The following CSMD3 variants were observed in gnomAD, a reference collection of about 807,000 sequenced individuals.
The protein encoded by CSMD3 is CUB and Sushi multiple domains 3.
In CSMD3, 177 loss-of-function variants were observed where a neutral mutation model predicts 435.2. The ratio of observed to expected loss-of-function variants is 0.41; its 90% CI spans 0.36 to 0.46. CSMD3 has a LOEUF of 0.46. Ranked by LOEUF, CSMD3 falls within the 20% of genes least tolerant of loss-of-function variation. The pLI is 0.34. For synonymous variants in CSMD3, 1,656 were observed against 1,520.5 expected (o/e 1.09, Z -2.07); for missense variants, 4,265 against 4,504.6 (o/e 0.95, Z 1.52).
At chr8:113,308,371 C>T (rs544539945) in intron 2 of CSMD3, among the ~76,000 whole-genome samples, 23 of 148,784 alleles carry the variant, frequency 1.5e-4, no homozygotes, top group African/African-American at 5.5e-4. Context: ...CGGGTTCACG[C>T]CATTCTCCTG....
chr8:112,450,102 TTTAA>T (rs1816094587), intron 32 of CSMD3, among the ~76,000 whole-genome samples: 2 of 152,162 alleles, frequency 1.3e-5, no homozygotes, highest in South Asian at 2.1e-4. Context: ...GGCATTTGTG[TTTAA>T]TTATTTATAT....
At chr8:112,290,773 C>T (rs368985665) in intron 56 of CSMD3, among the ~76,000 whole-genome samples, 240 of 152,060 alleles carry the variant, frequency 1.6e-3, no homozygotes, top group African/African-American at 4.2e-3. Flanking sequence ...TCTTCTCTTC[C>T]CTGTCAAGTC....
At chr8:112,568,274 G>T (rs2131278940) in intron 24 of CSMD3, among the ~76,000 whole-genome samples, 1 of 152,192 alleles carries the variant, frequency 6.6e-6, no homozygotes, top group East Asian at 1.9e-4. Flanking sequence ...TAAAGATGAA[G>T]ACTGAACAGA....
At chr8:112,984,572 T>C (rs1587826997) in intron 6 of CSMD3, among the ~76,000 whole-genome samples, 1 of 152,092 alleles carries the variant, frequency 6.6e-6, no homozygotes, top group Non-Finnish European at 1.5e-5. Context: ...GAAGGTTAAT[T>C]AGAGCTTCCT....
chr8:113,112,486 C>A (rs1175193750), intron 4 of CSMD3, among the ~76,000 whole-genome samples: 1 of 137,852 alleles, frequency 7.3e-6, no homozygotes, highest in Non-Finnish European at 1.6e-5. Flanking sequence ...CACACACACA[C>A]ACACACACAC....
chr8:113,043,081 G>A (rs2087688301), intron 5 of CSMD3, among the ~76,000 whole-genome samples: 1 of 152,164 alleles, frequency 6.6e-6, no homozygotes, highest in Admixed American at 6.5e-5. Flanking sequence ...TGCACCTTAT[G>A]TGTTGCAAAT....
At chr8:113,079,391 G>C (rs1485087815) in intron 5 of CSMD3, among the ~76,000 whole-genome samples, 1 of 151,926 alleles carries the variant, frequency 6.6e-6, no homozygotes, top group Admixed American at 6.6e-5. Context: ...GCAATAGTGA[G>C]ACAATGACTG....
chr8:112,380,532 C>A (rs1039749309), intron 37 of CSMD3, 76 bp from the exon 38 acceptor site: 3 of 809,860 alleles, frequency 3.7e-6, no homozygotes, highest in Admixed American at 3.5e-5. Flanking sequence ...GTTTACTAAT[C>A]AGCCAATAGA....
chr8:112,625,994 T>C (rs1204695416), intron 22 of CSMD3, among the ~76,000 whole-genome samples: 2 of 152,112 alleles, frequency 1.3e-5, no homozygotes, highest in Non-Finnish European at 2.9e-5. Flanking sequence ...TTTTATAACA[T>C]TTTATTATTT....
chr8:112,861,985 C>T (rs1030817279), intron 10 of CSMD3, among the ~76,000 whole-genome samples: 2 of 151,846 alleles, frequency 1.3e-5, no homozygotes, highest in Non-Finnish European at 2.9e-5. Context: ...AAACAAATAT[C>T]CAAGTTCTTT....
chr8:113,035,198 A>G (rs1462754708), intron 5 of CSMD3, among the ~76,000 whole-genome samples: 1 of 152,052 alleles, frequency 6.6e-6, no homozygotes, highest in Non-Finnish European at 1.5e-5. Context: ...AATCAATAAA[A>G]TCAATAAATG....
chr8:112,824,133 A>G (rs1046528239), intron 12 of CSMD3, among the ~76,000 whole-genome samples: 6 of 152,116 alleles, frequency 3.9e-5, no homozygotes, highest in Non-Finnish European at 7.4e-5. Flanking sequence ...GTCAGAAACT[A>G]GGATTTCAAC....
chr8:112,421,020 T>C (rs552965672), intron 32 of CSMD3, among the ~76,000 whole-genome samples: 1 of 152,282 alleles, frequency 6.6e-6, no homozygotes, highest in Admixed American at 6.5e-5. Flanking sequence ...AAGGGCTCTT[T>C]CATTGGCAGA....
intron 68 of CSMD3, among the ~76,000 whole-genome samples, chr8:112,232,563 C>A (rs1463998595): frequency 6.6e-6 from 1 of 152,136 alleles, no homozygotes; most frequent in Non-Finnish European, 1.5e-5. Context: ...GAGCTGAGAT[C>A]ATGCCACTGC....
chr8:112,623,622 G>A (rs1319248756), intron 22 of CSMD3, among the ~76,000 whole-genome samples: 1 of 101,618 alleles, frequency 9.8e-6, no homozygotes, highest in South Asian at 3.5e-4. Context: ...CCACTAACTC[G>A]TCATCTAGCA....
At chr8:112,562,628 A>T (rs1828733650) in intron 24 of CSMD3, among the ~76,000 whole-genome samples, 1 of 151,542 alleles carries the variant, frequency 6.6e-6, no homozygotes, top group Admixed American at 6.6e-5. Flanking sequence ...CATGAATATT[A>T]TATTATTATG....
intron 27 of CSMD3, among the ~76,000 whole-genome samples, chr8:112,533,674 G>C (rs576904957): frequency 6.6e-6 from 1 of 151,924 alleles, no homozygotes. Flanking sequence ...ATAATAGTGG[G>C]GGACTTCAAC....
chr8:112,551,221 T>C (rs1456706754), intron 26 of CSMD3, among the ~76,000 whole-genome samples: 5 of 152,086 alleles, frequency 3.3e-5, no homozygotes, highest in African/African-American at 1.2e-4. Flanking sequence ...TATATTTTAT[T>C]TGTTTAATTG....
intron 47 of CSMD3, 124 bp from the exon 48 acceptor site, chr8:112,314,741 T>C (rs753824097): frequency 8.2e-6 from 6 of 730,002 alleles, no homozygotes; most frequent in Non-Finnish European, 1.2e-5. Context: ...TTGAATTATT[T>C]GTTAGAAGAG....
Sources: gnomAD v4.1 joint callset for allele counts (sites outside exome capture counted in the v4.1 genomes callset) on GRCh38, gnomAD v4.1.1 for gene constraint, MANE v1.5 for transcripts, NCBI Gene and HGNC (gene_info 2026-07-23, HGNC 2026-07-21) for gene names.